Variants in GRID2 observed in about 807,000 individuals in gnomAD.
GRID2 encodes the protein glutamate ionotropic receptor delta type subunit 2.
A neutral mutation model predicts 114.8 loss-of-function variants in GRID2; 33 were observed. The ratio of observed to expected loss-of-function variants is 0.29; its 90% CI spans 0.22 to 0.38. The LOEUF is 0.38. Among genes scored for constraint, GRID2 ranks in the 10% least tolerant of loss-of-function variants. The probability of loss-of-function intolerance (pLI) is 1.00; values close to 1 mark genes in which losing one functional copy is unlikely to be tolerated. For missense variants in GRID2, 1,184 were observed against 1,257.7 expected, an observed-to-expected ratio of 0.94 and a Z score of 0.89; for synonymous variants, 505 against 449.9, an observed-to-expected ratio of 1.12 and a Z score of -1.55.
chr4:93,512,998 GA>G (rs977977927), intron 12 of GRID2, among the ~76,000 whole-genome samples: 26 of 150,468 alleles, frequency 1.7e-4, no homozygotes, highest in South Asian at 1.5e-3. Flanking sequence ...TGAAGGCACT[GA>G]AAAAAAAACT....
chr4:92,671,031 A>G (rs140966107), intron 2 of GRID2, among the ~76,000 whole-genome samples: 221 of 152,248 alleles, frequency 1.5e-3, no homozygotes, highest in Middle Eastern at 6.8e-3. Flanking sequence ...CTGTTCTCAC[A>G]TTGCTATAAA....
chr4:93,697,869 G>GTGTGTATATATATATATATATATA (rs1553986412), intron 14 of GRID2, among the ~76,000 whole-genome samples: 1 of 122,658 alleles, frequency 8.2e-6, no homozygotes, highest in Non-Finnish European at 1.7e-5. Context: ...CACAATGTGT[G>GTGTGTATATATATATATATATATA]TATATATATA....
chr4:93,341,724 G>T (rs1250542194), intron 8 of GRID2, among the ~76,000 whole-genome samples: 1 of 152,146 alleles, frequency 6.6e-6, no homozygotes, highest in Non-Finnish European at 1.5e-5. Flanking sequence ...GCCACAGGCT[G>T]GGAAAGTCCT....
At chr4:92,513,542 G>A (rs1054014712) in intron 1 of GRID2, among the ~76,000 whole-genome samples, 9 of 151,756 alleles carry the variant, frequency 5.9e-5, no homozygotes, top group African/African-American at 2.2e-4. Flanking sequence ...TTTTTTGACT[G>A]TATCCTAAGT....
chr4:92,453,879 C>T (rs1051684655), intron 1 of GRID2, among the ~76,000 whole-genome samples: 2 of 151,960 alleles, frequency 1.3e-5, no homozygotes, highest in East Asian at 1.9e-4. Flanking sequence ...AACTTAAGAC[C>T]ACTGACTGTT....
At chr4:92,319,916 T>C (rs1726218730) in intron 1 of GRID2, among the ~76,000 whole-genome samples, 1 of 152,220 alleles carries the variant, frequency 6.6e-6, no homozygotes, top group African/African-American at 2.4e-5. Context: ...TCTGTAAATA[T>C]GCTTATTGAA....
At chr4:92,467,851 CA>C (rs36005768) in intron 1 of GRID2, among the ~76,000 whole-genome samples, 5 of 151,968 alleles carry the variant, frequency 3.3e-5, no homozygotes, top group Admixed American at 6.6e-5. Flanking sequence ...AAATTGACCC[CA>C]AAAACTTATC....
intron 2 of GRID2, among the ~76,000 whole-genome samples, chr4:92,936,383 A>G (rs563566229): frequency 2.7e-5 from 4 of 146,830 alleles, no homozygotes; most frequent in Non-Finnish European, 6.0e-5. Flanking sequence ...GCCATTAATT[A>G]TACTGCCTAA....
intron 2 of GRID2, among the ~76,000 whole-genome samples, chr4:92,743,545 T>C (rs1381216047): frequency 6.6e-6 from 1 of 152,156 alleles, no homozygotes; most frequent in African/African-American, 2.4e-5. Flanking sequence ...ATATTTTTAT[T>C]TATATTTATT....
At chr4:92,742,651 C>T (rs978798691) in intron 2 of GRID2, among the ~76,000 whole-genome samples, 1 of 152,148 alleles carries the variant, frequency 6.6e-6, no homozygotes, top group South Asian at 2.1e-4. Flanking sequence ...TGTGAATAAC[C>T]TTTGACTTCT....
intron 14 of GRID2, among the ~76,000 whole-genome samples, chr4:93,674,294 A>G (rs1333645411): frequency 3.3e-5 from 5 of 152,110 alleles, no homozygotes; most frequent in Admixed American, 1.3e-4. Flanking sequence ...CATCACTACT[A>G]TAAGTATTCA....
In GRID2 at chr4:92,850,189, T is replaced by C. The variant is rs970463082; in HGVS notation, c.245-234806T>C. ...CTAGTAATATATATTGATATGTTTA[T>C]AGATAAATACAATATATAATTATAA... On this transcript the variant is annotated intron_variant, in intron 2 of 15. Coordinates refer to ENST00000282020, the MANE Select transcript of GRID2 (RefSeq NM_001510.4). 8.6e-5 allele frequency among the ~76,000 whole-genome samples: 13 copies of C among 151,544 alleles called. No individual in the cohort carries two copies. The Admixed American group carries it at 8.6e-4, about 10-fold the overall frequency.
At chr4:93,194,066 C>T (rs1741247165) in intron 4 of GRID2, among the ~76,000 whole-genome samples, 1 of 152,146 alleles carries the variant, frequency 6.6e-6, no homozygotes. Flanking sequence ...ATTTATTTAA[C>T]AGTTTAGCGG....
At chr4:92,431,488 A>G (rs1732446687) in intron 1 of GRID2, among the ~76,000 whole-genome samples, 1 of 151,902 alleles carries the variant, frequency 6.6e-6, no homozygotes, top group South Asian at 2.1e-4. Context: ...TATATTGTTG[A>G]ATTTACTAGT....
chr4:92,690,139 C>G (rs1321517598), intron 2 of GRID2, among the ~76,000 whole-genome samples: 2 of 151,734 alleles, frequency 1.3e-5, no homozygotes, highest in African/African-American at 2.4e-5. Context: ...TTTGGCCTCT[C>G]TCTGATTTCA....
chr4:93,690,488 T>G (rs1035277404), intron 14 of GRID2, among the ~76,000 whole-genome samples: 3 of 151,978 alleles, frequency 2.0e-5, no homozygotes, highest in Non-Finnish European at 4.4e-5. Context: ...TTCCCAGAAA[T>G]GTATTATTAA....
intron 2 of GRID2, among the ~76,000 whole-genome samples, chr4:92,750,382 T>C (rs1363886106): frequency 6.6e-6 from 1 of 152,176 alleles, no homozygotes; most frequent in African/African-American, 2.4e-5. Context: ...GCTAAGCCCT[T>C]AGGATCGATA....
At chr4:93,433,996 G>C (rs1330397608) in intron 10 of GRID2, among the ~76,000 whole-genome samples, 10 of 152,166 alleles carry the variant, frequency 6.6e-5, no homozygotes, top group African/African-American at 2.4e-4. Flanking sequence ...GACATCAAAG[G>C]CATTAGTTAT....
Position 93,309,338 on chromosome 4 carries a change from C to A in GRID2, c.1245+70848C>A, listed in dbSNP as rs1008287034. 3.3e-5 allele frequency among the ~76,000 whole-genome samples: 5 copies of A among 152,174 alleles called. No homozygotes were observed. In the East Asian group the frequency reaches 5.8e-4, roughly 18 times the overall value. ...TCACTTGAGGCTAAGAGTTCCAGAC[C>A]AGCTTAGCCAACATGGCGAAACCCT... On this transcript the variant is annotated intron_variant, in intron 8 of 15. Transcript: ENST00000282020.
Sources: allele counts gnomAD v4.1 joint callset (sites outside exome capture counted in the v4.1 genomes callset), GRCh38; gene constraint gnomAD v4.1.1; transcripts MANE v1.5; gene names NCBI Gene and HGNC (gene_info 2026-07-23, HGNC 2026-07-21).